The following SORCS3 variants were observed in gnomAD, a reference collection of about 807,000 sequenced individuals.
SORCS3 encodes sortilin related VPS10 domain containing receptor 3.
SORCS3 carries 57 observed loss-of-function variants against 146.3 expected under a neutral mutation model. The ratio of observed to expected loss-of-function variants is 0.39; its 90% confidence interval spans 0.31 to 0.49. The LOEUF (loss-of-function observed/expected upper bound fraction) is 0.49. Among genes scored for constraint, SORCS3 ranks in the 20% least tolerant of loss-of-function variants. SORCS3 has a pLI of 0.92. For synonymous variants in SORCS3, 653 were observed against 618.5 expected (o/e 1.06, Z -0.83); for missense variants, 1,341 against 1,575.5 (o/e 0.85, Z 2.52).
intron 1 of SORCS3, among the ~76,000 whole-genome samples, chr10:104,801,839 T>G (rs1288156597): frequency 6.6e-6 from 1 of 152,240 alleles, no homozygotes; most frequent in Admixed American, 6.5e-5. Context: ...GCTTCAGATC[T>G]GTTAAAAAAT....
chr10:104,729,904 G>A (rs1029870193), intron 1 of SORCS3, among the ~76,000 whole-genome samples: 1 of 152,224 alleles, frequency 6.6e-6, no homozygotes, highest in Non-Finnish European at 1.5e-5. Context: ...CTTGGGGAGT[G>A]AGTGTACTTA....
At chr10:105,124,828 T>C (rs1452274) in intron 7 of SORCS3, among the ~76,000 whole-genome samples, 77,319 of 151,968 alleles carry the variant, frequency 0.51, 19,970 homozygotes, top group Admixed American at 0.55. Flanking sequence ...GGAAGAGACG[T>C]ACACCTTGTA....
At position 105,211,117 on chromosome 10, in the gene SORCS3, A is replaced by G. The variant is rs2056630857; in HGVS notation, c.2262-20A>G. ...CGTTTGTACATATATACTACTATGC[A>G]ATATTCATTTTCCTGACAGTGACTA... On this transcript the variant is annotated intron_variant, in intron 16 of 26. Coordinates refer to ENST00000369701, the MANE Select transcript of SORCS3 (RefSeq NM_014978.3). 1 of 1,549,344 alleles carries G rather than the reference A, an allele frequency of 6.5e-7. No individual in the cohort carries two copies. Among genetic ancestry groups the G allele is most frequent in the Middle Eastern group, 1.7e-4 (1 of 5,934 alleles).
intron 2 of SORCS3, among the ~76,000 whole-genome samples, chr10:104,912,297 G>A (rs1163944856): frequency 6.6e-6 from 1 of 152,162 alleles, no homozygotes; most frequent in Non-Finnish European, 1.5e-5. Context: ...ATGCCTTCAA[G>A]AGTGTAGAAT....
At chr10:105,082,516 G>C (rs74157414) in intron 5 of SORCS3, among the ~76,000 whole-genome samples, 4,201 of 152,224 alleles carry the variant, frequency 0.028, 124 homozygotes, top group East Asian at 0.17. Flanking sequence ...CTAACTCTAT[G>C]AAGTAGGTAT....
Position 104,922,596 on chromosome 10 carries a change from T to G in SORCS3, c.795+6664T>G, listed in dbSNP as rs148545255. Among the ~76,000 whole-genome samples the G allele has an allele frequency of 2.8e-3, 425 of 152,306 alleles. 3 individuals carry two copies. Among genetic ancestry groups the G allele is most frequent in the African/African-American group, 9.3e-3 (388 of 41,572 alleles). ...GAAAATGAGGGCCCAGCATAGCCAGTTATTGTTAACATCCTTGCTATTATG... is the reference window on the plus strand; with the variant it reads ...GAAAATGAGGGCCCAGCATAGCCAGGTATTGTTAACATCCTTGCTATTATG... On this transcript the variant is annotated intron_variant, in intron 3 of 26. Transcript: ENST00000369701.
At chr10:105,019,794 T>A (rs1182286358) in intron 4 of SORCS3, among the ~76,000 whole-genome samples, 1 of 152,188 alleles carries the variant, frequency 6.6e-6, no homozygotes, top group Non-Finnish European at 1.5e-5. Flanking sequence ...TCACAATACC[T>A]TGCACACAGA....
At chr10:104,711,824 A>T (rs907891297) in intron 1 of SORCS3, among the ~76,000 whole-genome samples, 1 of 152,188 alleles carries the variant, frequency 6.6e-6, no homozygotes, top group Admixed American at 6.5e-5. Flanking sequence ...AGTTGGGGAT[A>T]TTTGAGCTAA....
intron 1 of SORCS3, among the ~76,000 whole-genome samples, chr10:104,786,270 A>AG (rs1456216273): frequency 6.6e-6 from 1 of 152,012 alleles, no homozygotes; most frequent in Non-Finnish European, 1.5e-5. Flanking sequence ...CAAAAAAAAA[A>AG]AAAAAGTGTA....
At chr10:105,009,046 A>G (rs2055115100) in intron 4 of SORCS3, among the ~76,000 whole-genome samples, 1 of 152,178 alleles carries the variant, frequency 6.6e-6, no homozygotes, top group Non-Finnish European at 1.5e-5. Context: ...TCTCAGATCT[A>G]ACGCGTAGTT....
In SORCS3 at chr10:105,211,221, C is replaced by T. The variant is rs759510939; in HGVS notation, c.2346C>T (p.Ser782=). The T allele has an allele frequency of 1.9e-6, 3 of 1,613,902 alleles. No individual in the cohort carries two copies. The highest frequency in any genetic ancestry group is 4.5e-5 in the East Asian group (2 of 44,872). The part of the protein sequence containing the change: ...YNPASPSKDC[S]LGQSYLNSTG... ...CAGCATCCCCATCAAAGGACTGCAG[C>T]CTTGGTCAAAGCTACCTTAACAGCA... is the stretch of plus-strand genomic sequence containing the variant. The change falls in exon 17 of 27, where the codon AGC becomes AGT. Residue 782 remains serine, a synonymous_variant. Transcript: ENST00000369701.
intron 1 of SORCS3, among the ~76,000 whole-genome samples, chr10:104,793,189 T>C (rs995432833): frequency 2.0e-5 from 3 of 152,158 alleles, no homozygotes; most frequent in East Asian, 1.9e-4. Flanking sequence ...AATAGGAAGT[T>C]GAACTCTGTA....
chr10:105,199,918 T>C, intron 14 of SORCS3, 81 bp from the exon 15 acceptor site: 1 of 991,724 alleles, frequency 1.0e-6, no homozygotes, highest in Non-Finnish European at 1.6e-6. Context: ...AATCTCTATC[T>C]CCTTCCTAGT....
At chr10:105,236,821 G>A (rs977857008) in intron 20 of SORCS3, among the ~76,000 whole-genome samples, 2 of 151,942 alleles carry the variant, frequency 1.3e-5, no homozygotes, top group African/African-American at 4.8e-5. Flanking sequence ...AGTTTGTATC[G>A]ATTTCTCTAA....
chr10:104,806,223 C>T (rs115150176), intron 1 of SORCS3, among the ~76,000 whole-genome samples: 1,927 of 152,288 alleles, frequency 0.013, 38 homozygotes, highest in African/African-American at 0.044. Flanking sequence ...CTACGTCTTT[C>T]CACCATTCTA....
chr10:105,189,135 C>G (rs1227978934), intron 14 of SORCS3, among the ~76,000 whole-genome samples: 1 of 152,172 alleles, frequency 6.6e-6, no homozygotes, highest in Non-Finnish European at 1.5e-5. Flanking sequence ...TCCCTCACTT[C>G]TAGCAGGGGT....
At chr10:105,203,447 C>T (rs949330024) in intron 16 of SORCS3, among the ~76,000 whole-genome samples, 6 of 152,118 alleles carry the variant, frequency 3.9e-5, no homozygotes, top group Admixed American at 6.5e-5. Context: ...TTCCTTGTGT[C>T]CTTCTGCAGA....
chr10:104,855,162 G>C (rs1259823327), intron 2 of SORCS3, among the ~76,000 whole-genome samples: 1 of 152,004 alleles, frequency 6.6e-6, no homozygotes, highest in African/African-American at 2.4e-5. Flanking sequence ...ACTGTTTTTT[G>C]CTGTCCATTC....
At chr10:104,855,247 G>A (rs1052809254) in intron 2 of SORCS3, among the ~76,000 whole-genome samples, 1 of 152,140 alleles carries the variant, frequency 6.6e-6, no homozygotes, top group Non-Finnish European at 1.5e-5. Flanking sequence ...AAGCCTTAAT[G>A]TCAGGCAGAA....
Sources: allele counts gnomAD v4.1 joint callset (sites outside exome capture counted in the v4.1 genomes callset), GRCh38; gene constraint gnomAD v4.1.1; transcripts MANE v1.5; gene names NCBI Gene and HGNC (gene_info 2026-07-23, HGNC 2026-07-21).